DPP10: variants seen among roughly 807,000 people sequenced by gnomAD.
DPP10 encodes the protein inactive dipeptidyl peptidase 10.
A neutral mutation model predicts 120.9 loss-of-function variants in DPP10; 33 were observed. The ratio of observed to expected loss-of-function variants is 0.27; its 90% CI spans 0.21 to 0.37. The LOEUF is 0.37. Among genes scored for constraint, DPP10 ranks in the 10% least tolerant of loss-of-function variants. The probability of loss-of-function intolerance (pLI) is 1.00; values close to 1 mark genes in which losing one functional copy is unlikely to be tolerated. For missense variants in DPP10, 816 were observed against 942.8 expected (o/e 0.87, Z 1.76); for synonymous variants, 337 against 326.1 (o/e 1.03, Z -0.36).
At chr2:115,010,479 TC>T (rs1277105597) in intron 1 of DPP10, among the ~76,000 whole-genome samples, 1 of 152,174 alleles carries the variant, frequency 6.6e-6, no homozygotes, top group Non-Finnish European at 1.5e-5. Flanking sequence ...CAAAATATTA[TC>T]ATTCTTTAGT....
intron 3 of DPP10, among the ~76,000 whole-genome samples, chr2:115,395,679 A>G (rs1357336436): frequency 2.0e-5 from 3 of 152,090 alleles, no homozygotes; most frequent in African/African-American, 7.2e-5. Flanking sequence ...CAATATTCCC[A>G]AGTTACTTTA....
At chr2:114,570,919 G>T (rs1689594113) in intron 1 of DPP10, among the ~76,000 whole-genome samples, 1 of 151,734 alleles carries the variant, frequency 6.6e-6, no homozygotes, top group Admixed American at 6.6e-5. Context: ...TTCATGGATG[G>T]ACTATATAAA....
chr2:114,769,367 A>G (rs1378179471), intron 1 of DPP10, among the ~76,000 whole-genome samples: 1 of 152,162 alleles, frequency 6.6e-6, no homozygotes, highest in Non-Finnish European at 1.5e-5. Context: ...CTTCCCCCAG[A>G]GCCAGAAGCC....
intron 1 of DPP10, among the ~76,000 whole-genome samples, chr2:114,588,910 C>T (rs1001988586): frequency 2.0e-5 from 3 of 151,784 alleles, no homozygotes; most frequent in South Asian, 2.1e-4. Flanking sequence ...CTTTCAGTTG[C>T]GTTCTATAGA....
intron 1 of DPP10, among the ~76,000 whole-genome samples, chr2:115,304,386 A>C (rs1038269394): frequency 1.3e-5 from 2 of 152,064 alleles, no homozygotes; most frequent in Admixed American, 1.3e-4. Context: ...CAGTGTTCAC[A>C]CTCTAGGGCT....
intron 3 of DPP10, among the ~76,000 whole-genome samples, chr2:115,476,769 A>G (rs1418122970): frequency 6.6e-6 from 1 of 152,318 alleles, no homozygotes; most frequent in South Asian, 2.1e-4. Context: ...GAAATACTCA[A>G]CAAAATACTA....
At chr2:115,604,091 T>G (rs2083539914) in intron 5 of DPP10, among the ~76,000 whole-genome samples, 2 of 151,782 alleles carry the variant, frequency 1.3e-5, no homozygotes, top group African/African-American at 4.8e-5. Flanking sequence ...TTTTTTTTTT[T>G]TTTTTTTTTT....
At chr2:115,282,383 A>G (rs754476022) in intron 1 of DPP10, among the ~76,000 whole-genome samples, 25 of 152,092 alleles carry the variant, frequency 1.6e-4, no homozygotes, top group Non-Finnish European at 2.4e-4. Flanking sequence ...AATTTTACAT[A>G]TAAAATTTGA....
intron 1 of DPP10, among the ~76,000 whole-genome samples, chr2:114,698,129 A>G (rs1700175551): frequency 6.6e-6 from 1 of 152,084 alleles, no homozygotes; most frequent in Admixed American, 6.6e-5. Context: ...ATTACCCCAC[A>G]GCATGAATTA....
At chr2:115,411,374 C>T (rs75043059) in intron 3 of DPP10, among the ~76,000 whole-genome samples, 2,901 of 150,470 alleles carry the variant, frequency 0.019, 90 homozygotes, top group African/African-American at 0.068. Context: ...CACTTTAATT[C>T]TGTCCATTGT....
intron 1 of DPP10, among the ~76,000 whole-genome samples, chr2:114,559,891 C>CAAAAAAAAAAAAAAAAA (rs60833358): frequency 9.3e-4 from 61 of 65,800 alleles, no homozygotes; most frequent in East Asian, 1.5e-3. Context: ...AGAAAAAAAG[C>CAAAAAAAAAAAAAAAAA]AAAAAAAAAA....
intron 1 of DPP10, among the ~76,000 whole-genome samples, chr2:114,911,250 C>A (rs1694347410): frequency 6.6e-6 from 1 of 151,970 alleles, no homozygotes; most frequent in South Asian, 2.1e-4. Flanking sequence ...CTTACGGTAT[C>A]AAGTTGACAA....
At position 114,517,819 on chromosome 2, in the gene DPP10, C is replaced by T. The variant is rs560831071; in HGVS notation, c.60+74981C>T. Among the ~76,000 whole-genome samples, 15 of 152,226 alleles carry T rather than the reference C, an allele frequency of 9.9e-5. No homozygotes were observed. The South Asian group carries it at 2.3e-3, about 23-fold the overall frequency. On this transcript the variant is annotated intron_variant, in intron 1 of 25. Transcript: ENST00000410059. Reference sequence around the variant, plus strand: ...GTGAGGTGAACACCCAGCTGCAGAGCGGAGGCTCAGAAATGGTGAGTGCCA... The same window carrying T: ...GTGAGGTGAACACCCAGCTGCAGAGTGGAGGCTCAGAAATGGTGAGTGCCA...
intron 1 of DPP10, among the ~76,000 whole-genome samples, chr2:115,108,160 A>C (rs1448234145): frequency 1.3e-5 from 2 of 152,120 alleles, no homozygotes; most frequent in African/African-American, 2.4e-5. Flanking sequence ...CCTATTCCTA[A>C]TATGTATGTA....
intron 1 of DPP10, among the ~76,000 whole-genome samples, chr2:114,959,102 G>A (rs543946228): frequency 2.6e-5 from 4 of 151,922 alleles, no homozygotes; most frequent in African/African-American, 7.3e-5. Context: ...TCTGTCACCC[G>A]GGCTGGAGTA....
At chr2:115,730,674 G>A (rs1217892162) in intron 8 of DPP10, among the ~76,000 whole-genome samples, 1 of 152,114 alleles carries the variant, frequency 6.6e-6, no homozygotes, top group African/African-American at 2.4e-5. Flanking sequence ...TGACAAATAC[G>A]GTAATTTTCT....
At chr2:114,946,670 T>G (rs1175199967) in intron 1 of DPP10, among the ~76,000 whole-genome samples, 1 of 152,092 alleles carries the variant, frequency 6.6e-6, no homozygotes, top group African/African-American at 2.4e-5. Context: ...TTTTTATACA[T>G]CAATAGATTT....
intron 1 of DPP10, among the ~76,000 whole-genome samples, chr2:115,285,500 G>A (rs530098592): frequency 1.3e-5 from 2 of 152,078 alleles, no homozygotes; most frequent in South Asian, 4.1e-4. Flanking sequence ...AAGTTACACC[G>A]GTGACCTTTC....
chr2:115,333,432 T>C (rs1483776809), intron 2 of DPP10, among the ~76,000 whole-genome samples: 1 of 152,186 alleles, frequency 6.6e-6, no homozygotes, highest in Non-Finnish European at 1.5e-5. Flanking sequence ...CATTTAAGGT[T>C]AATATTGTTA....
Sources: gnomAD v4.1 joint callset for allele counts (sites outside exome capture counted in the v4.1 genomes callset) on GRCh38, gnomAD v4.1.1 for gene constraint, MANE v1.5 for transcripts, NCBI Gene and HGNC (gene_info 2026-07-23, HGNC 2026-07-21) for gene names.